The following ZNF423 variants were observed in gnomAD, a reference collection of about 807,000 sequenced individuals.
ZNF423 encodes Ebf-associated zinc finger protein.
Under a neutral mutation model 95.8 loss-of-function variants are expected in ZNF423, and 12 were observed. The observed-to-expected ratio is 0.13, with a 90% confidence interval of 0.08 to 0.20. ZNF423 has a LOEUF of 0.20. Ranked by LOEUF, ZNF423 falls within the 10% of genes least tolerant of loss-of-function variation. ZNF423 has a pLI of 1.00. For missense variants in ZNF423, 1,316 were observed against 1,737.1 expected, an observed-to-expected ratio of 0.76 and a Z score of 4.31; for synonymous variants, 749 against 711.9, an observed-to-expected ratio of 1.05 and a Z score of -0.83.
At chr16:49,565,450 C>A (rs557462890) in intron 5 of ZNF423, among the ~76,000 whole-genome samples, 2 of 152,232 alleles carry the variant, frequency 1.3e-5, no homozygotes, top group East Asian at 1.9e-4. Flanking sequence ...AGAGCACCAT[C>A]GGCCCCTCTC....
intron 2 of ZNF423, among the ~76,000 whole-genome samples, chr16:49,787,582 C>T (rs184371152): frequency 9.5e-4 from 144 of 152,294 alleles, no homozygotes; most frequent in African/African-American, 3.4e-3. Flanking sequence ...AGACTGGCTG[C>T]CCAACTATGG....
intron 5 of ZNF423, among the ~76,000 whole-genome samples, chr16:49,540,433 C>T (rs1239887926): frequency 1.3e-5 from 2 of 150,742 alleles, no homozygotes; most frequent in Admixed American, 6.6e-5. Flanking sequence ...GGCCACCATG[C>T]CCCACTCATT....
intron 2 of ZNF423, among the ~76,000 whole-genome samples, chr16:49,741,099 G>A (rs1161324691): frequency 6.6e-6 from 1 of 152,072 alleles, no homozygotes; most frequent in African/African-American, 2.4e-5. Flanking sequence ...ACAGAAATGA[G>A]TGTACAAGCG....
chr16:49,524,030 G>A (rs942876179), intron 6 of ZNF423, among the ~76,000 whole-genome samples: 7 of 152,190 alleles, frequency 4.6e-5, no homozygotes, highest in African/African-American at 1.7e-4. Flanking sequence ...GGGTGGCTGG[G>A]AGGATCAAAT....
chr16:49,850,658 G>A (rs12923943), intron 1 of ZNF423, among the ~76,000 whole-genome samples: 2 of 152,018 alleles, frequency 1.3e-5, no homozygotes, highest in Admixed American at 6.6e-5. Flanking sequence ...TGAACTAAAC[G>A]CACCCACCAC....
chr16:49,787,998 A>G (rs764542457), intron 2 of ZNF423, among the ~76,000 whole-genome samples: 14 of 151,922 alleles, frequency 9.2e-5, no homozygotes, highest in Non-Finnish European at 1.8e-4. Flanking sequence ...TGGGGAACGC[A>G]CTCCCCGCAC....
intron 3 of ZNF423, chr16:49,711,656 AT>A (rs1307771305): frequency 1.3e-5 from 2 of 152,216 alleles, no homozygotes; most frequent in Non-Finnish European, 2.9e-5. Context: ...ATGCACCTCA[AT>A]TTCAGAAATG....
chr16:49,721,811 A>G (rs1461534979), intron 3 of ZNF423, among the ~76,000 whole-genome samples: 7 of 152,122 alleles, frequency 4.6e-5, no homozygotes, highest in Non-Finnish European at 1.0e-4. Flanking sequence ...AGACACATAG[A>G]CTGTAGACAC....
chr16:49,798,757 C>T (rs372318815), intron 1 of ZNF423, among the ~76,000 whole-genome samples: 6 of 152,290 alleles, frequency 3.9e-5, no homozygotes, highest in African/African-American at 1.2e-4. Flanking sequence ...CTTAAACTGA[C>T]TTTAGAACCA....
intron 1 of ZNF423, among the ~76,000 whole-genome samples, chr16:49,814,583 G>A (rs1452655134): frequency 6.6e-6 from 1 of 151,928 alleles, no homozygotes; most frequent in East Asian, 1.9e-4. Flanking sequence ...AAACACGCTT[G>A]TTCCTGAGAA....
chr16:49,666,601 T>G (rs1157277966), intron 3 of ZNF423, among the ~76,000 whole-genome samples: 1 of 152,198 alleles, frequency 6.6e-6, no homozygotes, highest in Non-Finnish European at 1.5e-5. Flanking sequence ...CATGCATGCA[T>G]GCACAGTTAC....
At chr16:49,585,798 G>A (rs11642742) in intron 5 of ZNF423, among the ~76,000 whole-genome samples, 4 of 152,146 alleles carry the variant, frequency 2.6e-5, no homozygotes, top group East Asian at 1.9e-4. Context: ...CAAGGTGTCC[G>A]TCATGAGAGG....
At chr16:49,854,588 T>TC (rs1163669292) in intron 1 of ZNF423, 3 of 984,950 alleles carry the variant, frequency 3.0e-6, no homozygotes, top group East Asian at 1.1e-4. Context: ...CTCTCATCGT[T>TC]CCCCCCTTCC....
intron 1 of ZNF423, among the ~76,000 whole-genome samples, chr16:49,804,503 A>C (rs1431885043): frequency 1.3e-5 from 2 of 152,126 alleles, no homozygotes; most frequent in Non-Finnish European, 2.9e-5. Context: ...GATCCGGCTT[A>C]TGAGGAGACC....
chr16:49,551,283 C>G (rs747694672), intron 5 of ZNF423, among the ~76,000 whole-genome samples: 1 of 152,230 alleles, frequency 6.6e-6, no homozygotes, highest in Non-Finnish European at 1.5e-5. Context: ...TCCAACGCTC[C>G]GCTTTTCTGC....
At chr16:49,600,900 A>G (rs1971349724) in intron 5 of ZNF423, among the ~76,000 whole-genome samples, 1 of 152,012 alleles carries the variant, frequency 6.6e-6, no homozygotes. Context: ...TCATTTCACG[A>G]ATTTCCCCTT....
intron 7 of ZNF423, among the ~76,000 whole-genome samples, chr16:49,507,490 C>T (rs533102993): frequency 4.9e-5 from 6 of 122,964 alleles, no homozygotes; most frequent in African/African-American, 1.1e-4. Context: ...ACAAAGATGG[C>T]GCCACAGGTC....
intron 5 of ZNF423, among the ~76,000 whole-genome samples, chr16:49,527,943 C>T (rs1280425288): frequency 6.6e-6 from 1 of 152,164 alleles, no homozygotes; most frequent in African/African-American, 2.4e-5. Context: ...CACACACACA[C>T]ACGACTACTC....
At chr16:49,535,908 C>T (rs112002026) in intron 5 of ZNF423, among the ~76,000 whole-genome samples, 2,549 of 152,224 alleles carry the variant, frequency 0.017, 36 homozygotes, top group Middle Eastern at 0.061. Context: ...GATTAATGGC[C>T]TCTAATAATA....
Sources: allele counts gnomAD v4.1 joint callset (sites outside exome capture counted in the v4.1 genomes callset), GRCh38; gene constraint gnomAD v4.1.1; transcripts MANE v1.5; gene names NCBI Gene and HGNC (gene_info 2026-07-23, HGNC 2026-07-21).